Variants in FSHR observed in about 807,000 individuals in gnomAD.
FSHR encodes follicle-stimulating hormone receptor.
A neutral mutation model predicts 52.1 loss-of-function variants in FSHR; 46 were observed. The observed-to-expected ratio is 0.88, with a 90% CI of 0.70 to 1.13. The LOEUF is 1.13. FSHR is among the 50% of genes most tolerant of loss of function. The probability of loss-of-function intolerance (pLI) is 0.00; values close to 1 mark genes in which losing one functional copy is unlikely to be tolerated. For missense variants in FSHR, 964 were observed against 834.6 expected (o/e 1.16, Z -1.91); for synonymous variants, 399 against 309.6 (o/e 1.29, Z -3.03).
intron 4 of FSHR, among the ~76,000 whole-genome samples, chr2:49,009,823 CTGTT>C (rs1363823639): frequency 1.5e-4 from 19 of 129,278 alleles, no homozygotes; most frequent in Non-Finnish European, 2.9e-4. Context: ...ATTTGGCTCT[CTGTT>C]TGTCTGTTGC....
chr2:49,016,836 T>C (rs1329055730), intron 4 of FSHR, among the ~76,000 whole-genome samples: 1 of 152,214 alleles, frequency 6.6e-6, no homozygotes, highest in Admixed American at 6.5e-5. Flanking sequence ...ATACCTATGA[T>C]CAGTAGCTGG....
chr2:48,990,640 A>G lies in FSHR; in HGVS notation c.375-3T>C, dbSNP rs1168424943. The stretch of plus-strand genomic sequence containing the variant: ...TAATACCTGTGTTGGATATTAACCT[A>G]GAGAGAAACAAAATGAGAGTGAGTG... On this transcript the variant is annotated splice_polypyrimidine_tract_variant and splice_region_variant and intron_variant, in intron 4 of 9. Coordinates refer to ENST00000406846, the MANE Select transcript of FSHR (RefSeq NM_000145.4). 1 of 1,581,564 alleles carries G rather than the reference A, an allele frequency of 6.3e-7. No homozygotes were observed. The highest frequency in any genetic ancestry group is 1.1e-5 in the South Asian group (1 of 90,406).
intron 1 of FSHR, among the ~76,000 whole-genome samples, chr2:49,119,530 C>G (rs1271944631): frequency 6.6e-6 from 1 of 151,808 alleles, no homozygotes; most frequent in East Asian, 1.9e-4. Context: ...TTTTTCTTTC[C>G]TTTTTTGCAA....
At chr2:49,104,876 A>G (rs1671168534) in intron 1 of FSHR, among the ~76,000 whole-genome samples, 1 of 151,986 alleles carries the variant, frequency 6.6e-6, no homozygotes, top group Non-Finnish European at 1.5e-5. Context: ...GGGGGCGGGC[A>G]CAGAACTCAC....
chr2:48,986,029 T>C (rs937759865), intron 6 of FSHR, among the ~76,000 whole-genome samples: 9 of 152,200 alleles, frequency 5.9e-5, no homozygotes, highest in Admixed American at 3.9e-4. Flanking sequence ...ACACGTTTTT[T>C]ACATTAGGTA....
intron 6 of FSHR, among the ~76,000 whole-genome samples, chr2:48,987,996 C>G (rs1675596216): frequency 6.6e-6 from 1 of 152,122 alleles, no homozygotes; most frequent in African/African-American, 2.4e-5. Context: ...TCCCTCCATA[C>G]ATTCAATTTC....
chr2:49,091,480 A>T (rs1670605562), intron 1 of FSHR, among the ~76,000 whole-genome samples: 1 of 152,040 alleles, frequency 6.6e-6, no homozygotes, highest in Non-Finnish European at 1.5e-5. Flanking sequence ...TATTTTTTGT[A>T]GAGATGGGGT....
At chr2:49,041,070 A>T (rs1212553482) in intron 2 of FSHR, among the ~76,000 whole-genome samples, 1 of 152,200 alleles carries the variant, frequency 6.6e-6, no homozygotes, top group African/African-American at 2.4e-5. Flanking sequence ...TCTTCAAACT[A>T]CCTGACAATG....
intron 9 of FSHR, among the ~76,000 whole-genome samples, chr2:48,967,167 C>G (rs1376336274): frequency 6.6e-6 from 1 of 152,208 alleles, no homozygotes; most frequent in Non-Finnish European, 1.5e-5. Flanking sequence ...ACAATTATAG[C>G]TCACTGCAGC....
intron 2 of FSHR, among the ~76,000 whole-genome samples, chr2:49,021,135 C>T (rs896145405): frequency 6.6e-6 from 1 of 152,126 alleles, no homozygotes; most frequent in Admixed American, 6.6e-5. Context: ...ATATTTAAAT[C>T]CCTTTCCACT....
chr2:49,109,125 T>A (rs7606570), intron 1 of FSHR, among the ~76,000 whole-genome samples: 1 of 151,790 alleles, frequency 6.6e-6, no homozygotes, highest in Non-Finnish European at 1.5e-5. Flanking sequence ...ACAGATAAAT[T>A]TGAGTATATT....
chr2:48,978,835 A>G (rs999034467), intron 8 of FSHR, among the ~76,000 whole-genome samples: 1 of 152,178 alleles, frequency 6.6e-6, no homozygotes, highest in Non-Finnish European at 1.5e-5. Flanking sequence ...GAGGCTCCCT[A>G]TTCTTCCCTC....
At chr2:49,124,143 C>G (rs1025643566) in intron 1 of FSHR, among the ~76,000 whole-genome samples, 69 of 147,134 alleles carry the variant, frequency 4.7e-4, no homozygotes, top group African/African-American at 1.7e-3. Context: ...CAGGCACCCA[C>G]CACCACGTCC....
Position 48,968,808 on chromosome 2 carries a change from C to G in FSHR, c.744G>C (p.Ser248=). 1 of 1,614,066 alleles carries G rather than the reference C, an allele frequency of 6.2e-7. No individual in the cohort carries two copies. Among genetic ancestry groups the G allele is most frequent in the Non-Finnish European group, 8.5e-7 (1 of 1,179,986 alleles). Residue 248 remains serine (S), a synonymous_variant, in exon 9 of 10, where the codon TCG becomes TCC. Transcript: ENST00000406846. Reference sequence around the variant, plus strand: ...TAGGCAGCTTTTTTAAGTTGTAAGTCGACCTGGCCCTCAGCTTCTTAAGAT... The same window carrying G: ...TAGGCAGCTTTTTTAAGTTGTAAGTGGACCTGGCCCTCAGCTTCTTAAGAT... The part of the protein sequence containing the change: ...LENLKKLRAR[S]TYNLKKLPTL...
At chr2:49,105,400 C>T (rs571896392) in intron 1 of FSHR, among the ~76,000 whole-genome samples, 7 of 152,182 alleles carry the variant, frequency 4.6e-5, no homozygotes, top group Middle Eastern at 6.8e-3. Flanking sequence ...TTCTTCAGTT[C>T]AAGGGCAAGG....
intron 1 of FSHR, among the ~76,000 whole-genome samples, chr2:49,094,504 A>T (rs910516667): frequency 6.6e-6 from 1 of 152,182 alleles, no homozygotes; most frequent in Non-Finnish European, 1.5e-5. Flanking sequence ...ACAAATTATT[A>T]GTTTTCATTA....
chr2:49,146,278 A>AAGGG (rs1342347355), intron 1 of FSHR, among the ~76,000 whole-genome samples: 1 of 152,044 alleles, frequency 6.6e-6, no homozygotes, highest in Non-Finnish European at 1.5e-5. Context: ...AGCTTTCTTA[A>AAGGG]AGGGACAGAA....
chr2:49,035,930 T>G (rs747285643), intron 2 of FSHR, among the ~76,000 whole-genome samples: 5 of 152,314 alleles, frequency 3.3e-5, no homozygotes, highest in South Asian at 4.1e-4. Flanking sequence ...CTTAGTAACT[T>G]TCATTTGAGG....
At chr2:49,034,689 T>C (rs1406780705) in intron 2 of FSHR, among the ~76,000 whole-genome samples, 1 of 152,212 alleles carries the variant, frequency 6.6e-6, no homozygotes, top group African/African-American at 2.4e-5. Context: ...CTGGTGTTAT[T>C]ACAGTTTTCT....
Sources: gnomAD v4.1 joint callset for allele counts (sites outside exome capture counted in the v4.1 genomes callset) on GRCh38, gnomAD v4.1.1 for gene constraint, MANE v1.5 for transcripts, NCBI Gene and HGNC (gene_info 2026-07-23, HGNC 2026-07-21) for gene names.